DRC8: variants seen among roughly 807,000 people sequenced by gnomAD.
DRC8 encodes the protein dynein regulatory complex protein 8.
At chr1:245,022,297 G>C in the DRC8 span, among the ~76,000 whole-genome samples, 1 of 151,708 alleles carries the variant, frequency 6.6e-6, no homozygotes, top group South Asian at 2.1e-4. Context: ...GAGATTACAG[G>C]TGTGTGCCAC....
At chr1:245,115,689 G>A in the DRC8 span, among the ~76,000 whole-genome samples, 2 of 152,220 alleles carry the variant, frequency 1.3e-5, no homozygotes, top group African/African-American at 4.8e-5. Flanking sequence ...GCTGTCTAGT[G>A]AGGGAGGTGG....
chr1:244,970,464 A>G, the DRC8 span: 1 of 1,524,372 alleles, frequency 6.6e-7, no homozygotes, highest in East Asian at 2.6e-5. Flanking sequence ...GGAGCCGGGG[A>G]GCCGCTGCCC....
chr1:245,080,160 G>A, the DRC8 span, among the ~76,000 whole-genome samples: 1 of 152,124 alleles, frequency 6.6e-6, no homozygotes, highest in East Asian at 1.9e-4. Context: ...GTTTTTGCTC[G>A]AAGAATAAAT....
chr1:245,041,686 T>A, the DRC8 span, among the ~76,000 whole-genome samples: 2 of 152,022 alleles, frequency 1.3e-5, no homozygotes, highest in African/African-American at 4.8e-5. Flanking sequence ...GTGATTAAGT[T>A]AAAAAGCCCA....
At chr1:245,118,706 G>A in the DRC8 span, among the ~76,000 whole-genome samples, 2 of 151,790 alleles carry the variant, frequency 1.3e-5, no homozygotes, top group African/African-American at 2.4e-5. Flanking sequence ...CAGGAGAATC[G>A]CTTGAGCCCC....
chr1:245,052,411 C>T, the DRC8 span, among the ~76,000 whole-genome samples: 5 of 152,114 alleles, frequency 3.3e-5, no homozygotes, highest in South Asian at 2.1e-4. Context: ...ACTGAGCAGC[C>T]GTGTGTAGAT....
the DRC8 span, among the ~76,000 whole-genome samples, chr1:245,090,204 C>CCAGGTAGGAGGAGTGGGTAA: frequency 6.6e-6 from 1 of 151,944 alleles, no homozygotes; most frequent in African/African-American, 2.4e-5. Flanking sequence ...AGGGAAAGAC[C>CCAGGTAGGAGGAGTGGGTAA]CAGGTAGGAG....
chr1:244,985,504 G>C, the DRC8 span, among the ~76,000 whole-genome samples: 3 of 152,164 alleles, frequency 2.0e-5, no homozygotes, highest in Non-Finnish European at 4.4e-5. Context: ...AGATGTTGGG[G>C]AATAAAACAG....
At chr1:245,099,422 GC>G in the DRC8 span, among the ~76,000 whole-genome samples, 7 of 152,148 alleles carry the variant, frequency 4.6e-5, no homozygotes, top group African/African-American at 1.7e-4. Context: ...CCTCCAGTTT[GC>G]CCGCCAGCCA....
chr1:244,972,105 CTG>C, the DRC8 span, among the ~76,000 whole-genome samples: 153 of 152,160 alleles, frequency 1.0e-3, no homozygotes, highest in African/African-American at 2.9e-3. Context: ...TTTTTAAAAA[CTG>C]AGAGCTTTCC....
the DRC8 span, among the ~76,000 whole-genome samples, chr1:245,093,688 T>A: frequency 7.6e-6 from 1 of 130,918 alleles, no homozygotes; most frequent in African/African-American, 3.0e-5. Context: ...AGAGCAAGAC[T>A]CCATCTCACA....
At chr1:244,970,603 C>A in the DRC8 span, 27 of 817,996 alleles carry the variant, frequency 3.3e-5, no homozygotes, top group Non-Finnish European at 4.4e-5. Context: ...AGCAGTCGCC[C>A]TGCCCCCGTC....
the DRC8 span, among the ~76,000 whole-genome samples, chr1:245,014,774 T>C: frequency 7.2e-5 from 11 of 152,186 alleles, no homozygotes; most frequent in African/African-American, 4.8e-5. Flanking sequence ...GTGCTTAGCC[T>C]CTCTGAGCTT....
chr1:245,121,797 A>G, the DRC8 span: 1 of 373,590 alleles, frequency 2.7e-6, no homozygotes, highest in Non-Finnish European at 5.1e-6. Context: ...TGGCTCCTCT[A>G]CTGAAAATTC....
chr1:244,990,099 G>T, the DRC8 span, among the ~76,000 whole-genome samples: 29 of 152,278 alleles, frequency 1.9e-4, no homozygotes, highest in South Asian at 6.2e-4. Context: ...ATCTCCCAAG[G>T]CAGGTGCTCT....
the DRC8 span, among the ~76,000 whole-genome samples, chr1:245,075,268 G>A: frequency 2.0e-4 from 31 of 152,332 alleles, no homozygotes; most frequent in East Asian, 6.0e-3. Flanking sequence ...GACGCCCTCA[G>A]ATAGGCACTT....
chr1:244,989,662 C>T, the DRC8 span, among the ~76,000 whole-genome samples: 2 of 152,202 alleles, frequency 1.3e-5, no homozygotes, highest in East Asian at 1.9e-4. Flanking sequence ...CTCCCCATTC[C>T]GTAGTCTTTG....
chr1:245,016,258 G>A, the DRC8 span, among the ~76,000 whole-genome samples: 1 of 152,182 alleles, frequency 6.6e-6, no homozygotes, highest in Non-Finnish European at 1.5e-5. Flanking sequence ...TGGGAATACA[G>A]GTGTGAGCCA....
At chr1:245,035,429 A>G in the DRC8 span, among the ~76,000 whole-genome samples, 1 of 152,214 alleles carries the variant, frequency 6.6e-6, no homozygotes, top group Non-Finnish European at 1.5e-5. Flanking sequence ...ACTTATGGTC[A>G]ATTGATCTTC....
Sources: gnomAD v4.1 joint callset for allele counts (sites outside exome capture counted in the v4.1 genomes callset) on GRCh38, gnomAD v4.1.1 for gene constraint, MANE v1.5 for transcripts, NCBI Gene and HGNC (gene_info 2026-07-23, HGNC 2026-07-21) for gene names.